AFF3: variants seen among roughly 807,000 people sequenced by gnomAD.
The protein encoded by AFF3 is ALF transcription elongation factor 3.
A neutral mutation model predicts 129.7 loss-of-function variants in AFF3; 32 were observed. That is an observed-to-expected ratio of 0.25 (90% CI 0.19 to 0.33). The LOEUF (loss-of-function observed/expected upper bound fraction) is 0.33. Among genes scored for constraint, AFF3 ranks in the 10% least tolerant of loss-of-function variants. The probability of loss-of-function intolerance (pLI) is 1.00; values close to 1 mark genes in which losing one functional copy is unlikely to be tolerated. For missense variants in AFF3, 1,373 were observed against 1,592.0 expected (o/e 0.86, Z 2.34); for synonymous variants, 644 against 635.4 (o/e 1.01, Z -0.20).
At chr2:99,884,255 A>G (rs932639076) in intron 7 of AFF3, among the ~76,000 whole-genome samples, 3 of 152,244 alleles carry the variant, frequency 2.0e-5, no homozygotes, top group African/African-American at 4.8e-5. Flanking sequence ...AGATTTATAC[A>G]TTATGGAATG....
chr2:99,601,677 C>G, intron 13 of AFF3, 56 bp from the exon 14 acceptor site: 12 of 1,552,566 alleles, frequency 7.7e-6, no homozygotes, highest in Non-Finnish European at 9.5e-6. Context: ...AGTGAGCAAA[C>G]AGGAAAACAC....
intron 1 of AFF3, among the ~76,000 whole-genome samples, chr2:100,129,567 T>C (rs550276502): frequency 8.5e-5 from 13 of 152,298 alleles, no homozygotes; most frequent in South Asian, 8.3e-4. Flanking sequence ...AAAATTACTA[T>C]TGTGCTTCAC....
At chr2:99,669,241 G>A (rs1686946463) in intron 12 of AFF3, among the ~76,000 whole-genome samples, 1 of 152,130 alleles carries the variant, frequency 6.6e-6, no homozygotes, top group South Asian at 2.1e-4. Flanking sequence ...ACCTGTACAA[G>A]GATAAAAAGA....
At chr2:100,117,945 C>T (rs997578206) in intron 2 of AFF3, among the ~76,000 whole-genome samples, 1 of 152,118 alleles carries the variant, frequency 6.6e-6, no homozygotes, top group African/African-American at 2.4e-5. Flanking sequence ...TCACTGTACT[C>T]GAGTTTTCCC....
At chr2:99,812,529 T>C (rs150603144) in intron 8 of AFF3, among the ~76,000 whole-genome samples, 3 of 152,352 alleles carry the variant, frequency 2.0e-5, no homozygotes, top group East Asian at 1.9e-4. Flanking sequence ...GACAGTCATA[T>C]TGATGACAGA....
chr2:99,679,454 C>T (rs931905298), intron 11 of AFF3, among the ~76,000 whole-genome samples: 3 of 152,170 alleles, frequency 2.0e-5, no homozygotes, highest in African/African-American at 4.8e-5. Flanking sequence ...GGGACGGCAT[C>T]TCATCTCCTA....
chr2:99,551,186 T>G lies in AFF3; in HGVS notation c.*288A>C. The G allele has an allele frequency of 1.9e-6, 1 of 531,482 alleles. No homozygotes were observed. Among genetic ancestry groups the G allele is most frequent in the Non-Finnish European group, 3.4e-6 (1 of 297,890 alleles). 32.9% of individuals were successfully genotyped at this position (531,482 alleles called of 1,614,324 possible). A position where few individuals can be genotyped will look rare whatever the true frequency, so the allele number is the denominator to read the frequency against. On this transcript the variant is annotated 3_prime_UTR_variant, in exon 25 of 25. Coordinates refer to ENST00000672756, the MANE Select transcript of AFF3 (RefSeq NM_001386135.1). ...TGTGTGTGTGTGTGTGTGTGTGTAC[T>G]TCCTCTAGTCAGAAACCTCTGATCA... is the stretch of plus-strand genomic sequence containing the variant.
intron 7 of AFF3, among the ~76,000 whole-genome samples, chr2:99,851,993 C>T (rs1330018065): frequency 6.6e-6 from 1 of 152,154 alleles, no homozygotes; most frequent in Non-Finnish European, 1.5e-5. Flanking sequence ...GGCAGGACAG[C>T]AATGATCAAG....
intron 8 of AFF3, among the ~76,000 whole-genome samples, chr2:99,761,675 CTTACAATAGGTTCAACTAGAAAAAATTT>C (rs1682608573): frequency 6.6e-6 from 1 of 152,222 alleles, no homozygotes; most frequent in Non-Finnish European, 1.5e-5. Context: ...GTCTGTTTAG[CTTACAATAGGTTCAACTAGAAAAAATTT>C]AAGCCATGTT....
intron 7 of AFF3, among the ~76,000 whole-genome samples, chr2:100,005,815 T>A (rs1020582784): frequency 6.6e-6 from 1 of 152,234 alleles, no homozygotes; most frequent in Non-Finnish European, 1.5e-5. Flanking sequence ...AAATGTCAAA[T>A]CATTGCTTTC....
At chr2:99,956,809 A>G (rs1202181027) in intron 7 of AFF3, among the ~76,000 whole-genome samples, 1 of 152,236 alleles carries the variant, frequency 6.6e-6, no homozygotes, top group Non-Finnish European at 1.5e-5. Context: ...AGAGAGGAAC[A>G]GAAAATGGAA....
chr2:99,682,455 C>G (rs987614293), intron 11 of AFF3, among the ~76,000 whole-genome samples: 1 of 152,304 alleles, frequency 6.6e-6, no homozygotes, highest in Admixed American at 6.5e-5. Flanking sequence ...GGAATTACCA[C>G]GAGGCATTTT....
At chr2:100,103,777 C>T (rs1690962049) in intron 4 of AFF3, among the ~76,000 whole-genome samples, 1 of 151,824 alleles carries the variant, frequency 6.6e-6, no homozygotes, top group Admixed American at 6.6e-5. Context: ...GAAGAAAGGG[C>T]CCAGAGGAAC....
At chr2:99,936,377 G>C (rs1392359624) in intron 7 of AFF3, among the ~76,000 whole-genome samples, 1 of 152,092 alleles carries the variant, frequency 6.6e-6, no homozygotes, top group Non-Finnish European at 1.5e-5. Flanking sequence ...TTGATGATGG[G>C]TTTTACCCTA....
At chr2:99,863,434 T>A (rs1395073829) in intron 7 of AFF3, among the ~76,000 whole-genome samples, 1 of 152,040 alleles carries the variant, frequency 6.6e-6, no homozygotes, top group Non-Finnish European at 1.5e-5. Context: ...AAAAAAAAAG[T>A]TTCAGAGAAG....
rs1385427186 is a variant in AFF3, at chr2:100,047,844, AAT to A, written c.54-38914_54-38913del. Among the ~76,000 whole-genome samples the A allele has an allele frequency of 4.6e-5, 7 of 152,342 alleles. No individual in the cohort carries two copies. The East Asian group carries it at 1.3e-3, about 29-fold the overall frequency. The stretch of plus-strand genomic sequence containing the variant: ...TGCCATAAAAGAAAGCCTTTAAGAT[AAT>A]ATTTATTTGCAGAAACAAACACTGA... On this transcript the variant is annotated intron_variant, in intron 4 of 24. Coordinates refer to ENST00000672756, the MANE Select transcript of AFF3 (RefSeq NM_001386135.1).
intron 8 of AFF3, among the ~76,000 whole-genome samples, chr2:99,819,693 C>T (rs762215451): frequency 6.6e-6 from 1 of 152,228 alleles, no homozygotes; most frequent in Non-Finnish European, 1.5e-5. Flanking sequence ...GTACACTCTA[C>T]TGACATCTAT....
At chr2:100,023,715 G>T (rs1042401186) in intron 4 of AFF3, among the ~76,000 whole-genome samples, 1 of 152,122 alleles carries the variant, frequency 6.6e-6, no homozygotes, top group Non-Finnish European at 1.5e-5. Flanking sequence ...CTCAAGCAGG[G>T]TTAAGAAACC....
intron 8 of AFF3, among the ~76,000 whole-genome samples, chr2:99,830,560 T>C (rs897200184): frequency 5.9e-5 from 9 of 152,124 alleles, no homozygotes; most frequent in African/African-American, 1.9e-4. Context: ...AAGAACAGCC[T>C]GGCCAACATG....
Sources: gnomAD v4.1 joint callset for allele counts (sites outside exome capture counted in the v4.1 genomes callset) on GRCh38, gnomAD v4.1.1 for gene constraint, MANE v1.5 for transcripts, NCBI Gene and HGNC (gene_info 2026-07-23, HGNC 2026-07-21) for gene names.